PSD2: variants seen among roughly 807,000 people sequenced by gnomAD.
The protein encoded by PSD2 is PH and SEC7 domain-containing protein 2.
A neutral mutation model predicts 69.8 loss-of-function variants in PSD2; 38 were observed. That is an observed-to-expected ratio of 0.54 (90% CI 0.42 to 0.71). The LOEUF is 0.71. Ranked by LOEUF, PSD2 falls within the 30% of genes least tolerant of loss-of-function variation. PSD2 has a pLI of 0.00. For missense variants in PSD2, 943 were observed against 1,014.5 expected (o/e 0.93, Z 0.96); for synonymous variants, 412 against 423.0 (o/e 0.97, Z 0.32).
At chr5:139,744,605 C>T in the PSD2 span, among the ~76,000 whole-genome samples, 2 of 152,138 alleles carry the variant, frequency 1.3e-5, no homozygotes, top group Admixed American at 1.3e-4. Context: ...GTGGCAGCGG[C>T]GGGGGTGGGG....
At chr5:139,753,995 C>A in the PSD2 span, among the ~76,000 whole-genome samples, 1 of 152,178 alleles carries the variant, frequency 6.6e-6, no homozygotes, top group Non-Finnish European at 1.5e-5. Context: ...CGCCACCACA[C>A]CGTGCTAATT....
Position 139,815,363 on chromosome 5 carries a change from T to C in PSD2, c.1016+999T>C, listed in dbSNP as rs187692414. 1.6e-3 allele frequency among the ~76,000 whole-genome samples: 243 copies of C among 152,156 alleles called. 1 individual carries two copies. Among genetic ancestry groups the C allele is most frequent in the African/African-American group, 4.6e-3 (193 of 41,520 alleles). Reference sequence around the variant, plus strand: ...CCTTCTTTGTGGCCTGCCCCTGCCCTCTCCCATCTTTTCAACCACTCCCTC... The same window carrying C: ...CCTTCTTTGTGGCCTGCCCCTGCCCCCTCCCATCTTTTCAACCACTCCCTC... On this transcript the variant is annotated intron_variant, in intron 4 of 14. Coordinates refer to ENST00000274710, the MANE Select transcript of PSD2 (RefSeq NM_032289.4).
rs1325706440 is a variant in PSD2, at chr5:139,837,129, GGGT to G, written c.1595-36_1595-34del. ...GAGGTGGGGTTGGAGAGACTGCAGA[GGGT>G]GGCTGCAGCCACACTACCAGTGCCC... On this transcript the variant is annotated intron_variant, in intron 10 of 14. Coordinates refer to ENST00000274710, the MANE Select transcript of PSD2 (RefSeq NM_032289.4). The surrounding 1 kb of genome is among the most constrained non-coding windows in gnomAD (Gnocchi z 5.0). 1 of 1,609,122 alleles carries G rather than the reference GGGT, an allele frequency of 6.2e-7. No homozygotes were observed. Among genetic ancestry groups the G allele is most frequent in the South Asian group, 1.1e-5 (1 of 90,762 alleles).
At chr5:139,766,991 T>C in the PSD2 span, among the ~76,000 whole-genome samples, 1 of 145,834 alleles carries the variant, frequency 6.9e-6, no homozygotes, top group Non-Finnish European at 1.5e-5. Context: ...CTTTCTTTCT[T>C]TCTTTCCTTC....
chr5:139,805,030 T>C (rs1759769683), intron 1 of PSD2, among the ~76,000 whole-genome samples: 1 of 151,294 alleles, frequency 6.6e-6, no homozygotes, highest in Non-Finnish European at 1.5e-5. Flanking sequence ...CGTGTGTGTG[T>C]ATTGTGCATG....
intron 14 of PSD2, 75 bp downstream of exon 14, chr5:139,840,245 T>G: frequency 6.5e-7 from 1 of 1,537,626 alleles, no homozygotes; most frequent in East Asian, 2.3e-5. Flanking sequence ...GATGTGGGAC[T>G]GGGGAGGTGA....
the PSD2 span, among the ~76,000 whole-genome samples, chr5:139,775,883 G>A: frequency 6.6e-6 from 1 of 152,166 alleles, no homozygotes; most frequent in South Asian, 2.1e-4. Context: ...TGGTCAGGCT[G>A]GTCTCAAACT....
the PSD2 span, among the ~76,000 whole-genome samples, chr5:139,744,490 C>T: frequency 2.9e-3 from 445 of 152,298 alleles, 4 homozygotes; most frequent in Middle Eastern, 0.02. Flanking sequence ...CTCATTCCCC[C>T]GCCTGCTCGC....
At chr5:139,773,358 G>A in the PSD2 span, among the ~76,000 whole-genome samples, 5 of 151,916 alleles carry the variant, frequency 3.3e-5, no homozygotes, top group African/African-American at 1.2e-4. Flanking sequence ...GAATTCCTGG[G>A]CTCAAGGAAT....
the PSD2 span, among the ~76,000 whole-genome samples, chr5:139,750,763 G>T: frequency 6.6e-6 from 1 of 152,202 alleles, no homozygotes; most frequent in Non-Finnish European, 1.5e-5. Flanking sequence ...CCCTTGTGGG[G>T]CCTGGGTGTC....
intron 7 of PSD2, among the ~76,000 whole-genome samples, chr5:139,828,255 GA>G (rs1250415309): frequency 6.6e-6 from 1 of 151,992 alleles, no homozygotes; most frequent in Admixed American, 6.6e-5. Context: ...GTAAGCGGGG[GA>G]GAACCACCAG....
chr5:139,749,977 G>A, the PSD2 span, among the ~76,000 whole-genome samples: 3 of 151,388 alleles, frequency 2.0e-5, no homozygotes, highest in East Asian at 5.8e-4. Context: ...GCAGTGAGCC[G>A]TGATTGTGCC....
rs1274923607 is a variant in PSD2, at chr5:139,815,231, C to T, written c.1016+867C>T. 3.3e-5 allele frequency among the ~76,000 whole-genome samples: 5 copies of T among 152,158 alleles called. No individual in the cohort carries two copies. The East Asian group carries it at 7.7e-4, about 23-fold the overall frequency. On this transcript the variant is annotated intron_variant, in intron 4 of 14. Coordinates refer to ENST00000274710, the MANE Select transcript of PSD2 (RefSeq NM_032289.4). ...CACCCTCCTCAGTCTCCACGCTGCT[C>T]CTGCACCAGGTCCCCAACAACTGCG... is the stretch of plus-strand genomic sequence containing the variant.
intron 7 of PSD2, among the ~76,000 whole-genome samples, chr5:139,823,531 G>A (rs183912259): frequency 2.6e-4 from 40 of 152,252 alleles, no homozygotes; most frequent in African/African-American, 9.4e-4. Context: ...GCATATGGGG[G>A]TGAAAGAAAG....
At chr5:139,777,406 A>G in the PSD2 span, among the ~76,000 whole-genome samples, 1 of 152,194 alleles carries the variant, frequency 6.6e-6, no homozygotes, top group African/African-American at 2.4e-5. Flanking sequence ...CAAAAGCAAG[A>G]CTATTTCAAA....
the PSD2 span, among the ~76,000 whole-genome samples, chr5:139,755,293 T>C: frequency 1.3e-5 from 2 of 152,026 alleles, no homozygotes; most frequent in Non-Finnish European, 2.9e-5. Context: ...TGTGTGAGTG[T>C]GGGTGTGAAA....
At chr5:139,775,835 A>G in the PSD2 span, among the ~76,000 whole-genome samples, 2 of 152,218 alleles carry the variant, frequency 1.3e-5, no homozygotes, top group South Asian at 2.1e-4. Flanking sequence ...CGCCCTGCTA[A>G]TTTTTGTATT....
chr5:139,800,932 C>T (rs993279753), intron 1 of PSD2, among the ~76,000 whole-genome samples: 5 of 152,118 alleles, frequency 3.3e-5, no homozygotes, highest in Admixed American at 6.5e-5. Context: ...TGGCTGGGCA[C>T]GGCGGCTCAC....
intron 1 of PSD2, among the ~76,000 whole-genome samples, chr5:139,797,492 C>T (rs536916718): frequency 4.6e-5 from 7 of 152,336 alleles, no homozygotes; most frequent in Non-Finnish European, 7.3e-5. Flanking sequence ...GAGGCCTCCC[C>T]GCTGCAGCTT....
Sources: allele counts gnomAD v4.1 joint callset (sites outside exome capture counted in the v4.1 genomes callset), GRCh38; gene constraint gnomAD v4.1.1; non-coding constraint Gnocchi (gnomAD v3.1); transcripts MANE v1.5; gene names NCBI Gene and HGNC (gene_info 2026-07-23, HGNC 2026-07-21).